Variants in ADCY1 observed in about 807,000 individuals in gnomAD.
ADCY1 encodes the protein adenylate cyclase type 1.
ADCY1 carries 28 observed loss-of-function variants against 105.4 expected under a neutral mutation model. The observed-to-expected ratio is 0.27, with a 90% CI of 0.20 to 0.36. The LOEUF (loss-of-function observed/expected upper bound fraction) is 0.36. ADCY1 is among the 10% of genes least tolerant of loss of function. ADCY1 has a pLI of 1.00. For missense variants in ADCY1, 977 were observed against 1,434.2 expected (o/e 0.68, Z 5.15); for synonymous variants, 655 against 623.8 (o/e 1.05, Z -0.75).
intron 4 of ADCY1, among the ~76,000 whole-genome samples, chr7:45,629,295 C>G (rs1191868459): frequency 6.6e-6 from 1 of 152,118 alleles, no homozygotes; most frequent in South Asian, 2.1e-4. Context: ...TACTTCATTC[C>G]TTTTCATTGC....
At chr7:45,700,911 A>G (rs757746557) in intron 14 of ADCY1, among the ~76,000 whole-genome samples, 19 of 152,158 alleles carry the variant, frequency 1.2e-4, no homozygotes, top group Non-Finnish European at 2.6e-4. Context: ...GCTGTTTGTT[A>G]TTTTGTTCTC....
chr7:45,708,207 GA>G lies in ADCY1; in HGVS notation c.2818-141del. 3 of 617,304 alleles carry G rather than the reference GA, an allele frequency of 4.9e-6. No homozygotes were observed. The highest frequency in any genetic ancestry group is 8.9e-6 in the Non-Finnish European group (3 of 338,772). 38.2% of individuals were successfully genotyped at this position (617,304 alleles called of 1,614,324 possible). ...CCTCTCTCTTAGTCTCCTACCTGTA[GA>G]ATGGAATGATAAATGTGCCTATAGC... is the stretch of plus-strand genomic sequence containing the variant. On this transcript the variant is annotated intron_variant, in intron 17 of 19. Coordinates refer to ENST00000297323, the MANE Select transcript of ADCY1 (RefSeq NM_021116.4). The surrounding 1 kb of genome is among the most constrained non-coding windows in gnomAD (Gnocchi z 4.7).
intron 2 of ADCY1, among the ~76,000 whole-genome samples, chr7:45,603,208 C>T (rs560144600): frequency 3.3e-5 from 5 of 152,288 alleles, no homozygotes; most frequent in East Asian, 1.9e-4. Context: ...TATCTGTTCA[C>T]GGCTGATACA....
At chr7:45,641,454 C>A (rs535401895) in intron 4 of ADCY1, among the ~76,000 whole-genome samples, 33 of 152,240 alleles carry the variant, frequency 2.2e-4, no homozygotes, top group African/African-American at 7.9e-4. Flanking sequence ...TGGTCTCTAC[C>A]CTCTGCCTTC....
intron 1 of ADCY1, among the ~76,000 whole-genome samples, chr7:45,583,029 G>A (rs923495797): frequency 1.3e-5 from 2 of 152,240 alleles, no homozygotes; most frequent in African/African-American, 2.4e-5. Context: ...AAAGCCTGGA[G>A]CTGAGAAGAG....
chr7:45,679,830 C>T (rs1784523079), intron 11 of ADCY1, 37 bp downstream of exon 11: 2 of 1,606,346 alleles, frequency 1.2e-6, no homozygotes, highest in South Asian at 2.2e-5. Flanking sequence ...CTGCATATCA[C>T]CTGGTTCATG....
At chr7:45,634,545 G>C (rs185958833) in intron 4 of ADCY1, among the ~76,000 whole-genome samples, 8 of 151,444 alleles carry the variant, frequency 5.3e-5, no homozygotes, top group Admixed American at 5.3e-4. Flanking sequence ...TACCTTGATT[G>C]ATGGTAGGAT....
intron 2 of ADCY1, among the ~76,000 whole-genome samples, chr7:45,609,799 C>T (rs112714541): frequency 3.7e-4 from 56 of 152,300 alleles, no homozygotes; most frequent in African/African-American, 1.3e-3. Flanking sequence ...GGAAAGGACT[C>T]TCCAGGATGG....
chr7:45,708,470 T>G lies in ADCY1; in HGVS notation c.2932+6T>G, dbSNP rs764816441. On this transcript the variant is annotated splice_donor_region_variant and intron_variant, in intron 18 of 19. Transcript: ENST00000297323. This position sits in a 1 kb window ranked among gnomAD's most constrained non-coding sequence, Gnocchi z 4.7. ...CGACTTTGTCCTCCGAGTTGGTATGTGGCTCTAAACCTATCCTGTCCATCC... is the reference window on the plus strand; with the variant it reads ...CGACTTTGTCCTCCGAGTTGGTATGGGGCTCTAAACCTATCCTGTCCATCC... 1 of 1,605,918 alleles carries G rather than the reference T, an allele frequency of 6.2e-7. No homozygotes were observed. The highest frequency in any genetic ancestry group is 1.1e-5 in the South Asian group (1 of 90,938).
rs544659172 is a variant in ADCY1, at chr7:45,717,760, C to A, written c.*3765C>A. ...TGCCGGCCCGGGTGGTCCATGCCTG[C>A]GGGGTGTCTGTATCCTGCAGGAGGA... On this transcript the variant is annotated 3_prime_UTR_variant, in exon 20 of 20. Coordinates refer to ENST00000297323, the MANE Select transcript of ADCY1 (RefSeq NM_021116.4). The A allele has an allele frequency of 6.6e-6, 1 of 152,422 alleles. No homozygotes were observed. The highest frequency in any genetic ancestry group is 1.5e-5 in the Non-Finnish European group (1 of 68,058). 9.4% of individuals were successfully genotyped at this position (152,422 alleles called of 1,614,324 possible).
chr7:45,673,964 C>CATATATATAT (rs58025464), intron 8 of ADCY1, among the ~76,000 whole-genome samples: 21 of 115,130 alleles, frequency 1.8e-4, no homozygotes, highest in African/African-American at 4.4e-4. Context: ...TTCAGATGAG[C>CATATATATAT]ATATATATAT....
intron 3 of ADCY1, among the ~76,000 whole-genome samples, chr7:45,619,186 A>T (rs1183183874): frequency 1.3e-5 from 2 of 152,204 alleles, no homozygotes; most frequent in African/African-American, 4.8e-5. Flanking sequence ...AGGCAGTGGA[A>T]TAGTGGTTAC....
intron 4 of ADCY1, among the ~76,000 whole-genome samples, chr7:45,633,647 C>CA: frequency 6.6e-6 from 1 of 151,836 alleles, no homozygotes; most frequent in Non-Finnish European, 1.5e-5. Flanking sequence ...ACTAAAAGTA[C>CA]AAAAATTAGC....
chr7:45,644,084 C>G (rs1373714053), intron 4 of ADCY1, among the ~76,000 whole-genome samples: 1 of 152,202 alleles, frequency 6.6e-6, no homozygotes, highest in Non-Finnish European at 1.5e-5. Context: ...TTGGACTTGG[C>G]CAGTTTGGGT....
intron 1 of ADCY1, among the ~76,000 whole-genome samples, chr7:45,588,942 C>G (rs575628796): frequency 6.0e-5 from 9 of 151,124 alleles, no homozygotes; most frequent in Admixed American, 2.0e-4. Flanking sequence ...GCATGGTGCT[C>G]CAGGCTCACC....
At position 45,721,975 on chromosome 7, in the gene ADCY1, G is replaced by C; in HGVS notation, c.*7980G>C. The C allele has an allele frequency of 2.5e-6, 1 of 396,744 alleles. No homozygotes were observed. The allele number at this position is 396,744 out of a possible 1,614,324, so 24.6% of individuals were successfully genotyped here. ...CTGAATAAATATCTCGTGCAGGACTGTGCAACAGTAGCCCAGAGCATCCTG... is the reference window on the plus strand; with the variant it reads ...CTGAATAAATATCTCGTGCAGGACTCTGCAACAGTAGCCCAGAGCATCCTG... On this transcript the variant is annotated 3_prime_UTR_variant, in exon 20 of 20. Coordinates refer to ENST00000297323, the MANE Select transcript of ADCY1 (RefSeq NM_021116.4).
intron 11 of ADCY1, 185 bp from the exon 12 acceptor site, chr7:45,684,794 A>G (rs1282984736): frequency 7.8e-6 from 4 of 509,572 alleles, no homozygotes; most frequent in South Asian, 6.9e-5. Context: ...TAACTTTGGC[A>G]AGCTTTTCAC....
chr7:45,683,689 A>G (rs1713096730), intron 11 of ADCY1, among the ~76,000 whole-genome samples: 1 of 152,122 alleles, frequency 6.6e-6, no homozygotes, highest in Non-Finnish European at 1.5e-5. Flanking sequence ...TGCTGTTCAC[A>G]CCCAGCTTTA....
intron 4 of ADCY1, among the ~76,000 whole-genome samples, chr7:45,628,753 C>G (rs1350210143): frequency 6.6e-6 from 1 of 152,216 alleles, no homozygotes; most frequent in African/African-American, 2.4e-5. Flanking sequence ...CAACAAACTG[C>G]ACCACGTGTG....
Sources: allele counts gnomAD v4.1 joint callset (sites outside exome capture counted in the v4.1 genomes callset), GRCh38; gene constraint gnomAD v4.1.1; non-coding constraint Gnocchi (gnomAD v3.1); transcripts MANE v1.5; gene names NCBI Gene and HGNC (gene_info 2026-07-23, HGNC 2026-07-21).